Variants in B3GALT1 observed in about 807,000 individuals in gnomAD.
The protein encoded by B3GALT1 is UDP-Gal:betaGlcNAc beta 1,3-galactosyltransferase, polypeptide 1.
A neutral mutation model predicts 23.2 loss-of-function variants in B3GALT1; 10 were observed. The ratio of observed to expected loss-of-function variants is 0.43; its 90% CI spans 0.27 to 0.73. The LOEUF is 0.73. Ranked by LOEUF, B3GALT1 falls within the 30% of genes least tolerant of loss-of-function variation. The pLI, the probability that B3GALT1 is intolerant of heterozygous loss-of-function variation, is 0.21. For synonymous variants in B3GALT1, 156 were observed against 141.5 expected (o/e 1.10, Z -0.73); for missense variants, 299 against 405.4 (o/e 0.74, Z 2.25).
At chr2:167,479,624 G>A (rs1385371337) in intron 1 of B3GALT1, among the ~76,000 whole-genome samples, 4 of 152,060 alleles carry the variant, frequency 2.6e-5, no homozygotes, top group Non-Finnish European at 4.4e-5. Flanking sequence ...AGAAAATTCA[G>A]TCTTGCAATT....
chr2:167,451,856 G>T (rs914667342), intron 1 of B3GALT1, among the ~76,000 whole-genome samples: 1 of 152,192 alleles, frequency 6.6e-6, no homozygotes, highest in South Asian at 2.1e-4. Context: ...GACAGGGCTT[G>T]CCGTGGCTGC....
intron 4 of B3GALT1, among the ~76,000 whole-genome samples, chr2:167,865,435 C>T (rs1357844290): frequency 6.6e-6 from 1 of 151,986 alleles, no homozygotes; most frequent in African/African-American, 2.4e-5. Context: ...CAAATTCTCA[C>T]TCTTCTAAGA....
At chr2:167,314,139 C>G (rs1696674284) in intron 1 of B3GALT1, among the ~76,000 whole-genome samples, 1 of 151,896 alleles carries the variant, frequency 6.6e-6, no homozygotes, top group Non-Finnish European at 1.5e-5. Flanking sequence ...GCTCCCTACT[C>G]ATGTATATAT....
intron 2 of B3GALT1, among the ~76,000 whole-genome samples, chr2:167,554,328 T>C (rs1211742910): frequency 2.6e-5 from 4 of 152,174 alleles, no homozygotes; most frequent in African/African-American, 9.7e-5. Flanking sequence ...AGTTGTTAAA[T>C]TTGTACATCT....
chr2:167,633,935 A>G (rs1298676311), intron 2 of B3GALT1, among the ~76,000 whole-genome samples: 1 of 152,084 alleles, frequency 6.6e-6, no homozygotes, highest in African/African-American at 2.4e-5. Flanking sequence ...AATTGATCAC[A>G]TAATTGGAAG....
intron 1 of B3GALT1, among the ~76,000 whole-genome samples, chr2:167,323,826 C>G (rs924472717): frequency 6.6e-6 from 1 of 150,944 alleles, no homozygotes; most frequent in Non-Finnish European, 1.5e-5. Context: ...GCTTGGTAGA[C>G]ATTCAGAAAT....
intron 1 of B3GALT1, among the ~76,000 whole-genome samples, chr2:167,297,944 A>G (rs1221809905): frequency 6.6e-6 from 1 of 152,158 alleles, no homozygotes; most frequent in Non-Finnish European, 1.5e-5. Flanking sequence ...AGATGGAGAA[A>G]GACTTTCTGA....
chr2:167,419,558 TAA>T (rs1698517801), intron 1 of B3GALT1, among the ~76,000 whole-genome samples: 1 of 152,178 alleles, frequency 6.6e-6, no homozygotes, highest in Non-Finnish European at 1.5e-5. Flanking sequence ...TTAGAAAATA[TAA>T]AAGACAATTA....
intron 3 of B3GALT1, among the ~76,000 whole-genome samples, chr2:167,707,067 A>C (rs542156812): frequency 3.1e-4 from 47 of 152,314 alleles, no homozygotes; most frequent in Admixed American, 2.8e-3. Flanking sequence ...AAAGGGAATG[A>C]GTTCCCAAGC....
rs185430606 is a variant in B3GALT1, at chr2:167,468,330, G to A, written c.-510-21847G>A. ...AGATAAATACATAATACTCTTTCTCGTAACATAAATATAAAAAATCTTACA... is the reference window on the plus strand; with the variant it reads ...AGATAAATACATAATACTCTTTCTCATAACATAAATATAAAAAATCTTACA... On this transcript the variant is annotated intron_variant, in intron 1 of 4. Transcript: ENST00000392690. Among the ~76,000 whole-genome samples, 70 of 152,136 alleles carry A rather than the reference G, an allele frequency of 4.6e-4. 1 individual carries two copies. In the East Asian group the frequency reaches 6.2e-3, roughly 13 times the overall value.
chr2:167,848,888 C>T (rs1187549829), intron 4 of B3GALT1, among the ~76,000 whole-genome samples: 2 of 151,942 alleles, frequency 1.3e-5, no homozygotes, highest in East Asian at 3.8e-4. Flanking sequence ...TGAAAGAATT[C>T]AGCAAAGATT....
chr2:167,757,976 T>G (rs1324944095), intron 3 of B3GALT1, among the ~76,000 whole-genome samples: 1 of 152,202 alleles, frequency 6.6e-6, no homozygotes, highest in Admixed American at 6.5e-5. Context: ...ACTCAAAATA[T>G]ACTAAGAGAT....
intron 2 of B3GALT1, among the ~76,000 whole-genome samples, chr2:167,641,727 G>T (rs981659044): frequency 1.3e-5 from 2 of 152,064 alleles, no homozygotes; most frequent in African/African-American, 4.8e-5. Flanking sequence ...GGTTTTCTCT[G>T]CTGGCTCCTT....
chr2:167,802,190 G>A (rs1258761783), intron 3 of B3GALT1, among the ~76,000 whole-genome samples: 3 of 152,310 alleles, frequency 2.0e-5, no homozygotes, highest in Admixed American at 6.5e-5. Flanking sequence ...TGTGAGCTCA[G>A]ACAGACTTCA....
At chr2:167,561,183 A>G (rs889547361) in intron 2 of B3GALT1, among the ~76,000 whole-genome samples, 2 of 152,358 alleles carry the variant, frequency 1.3e-5, no homozygotes, top group Non-Finnish European at 2.9e-5. Flanking sequence ...TGGAAACTGA[A>G]CAACCTGCTC....
intron 2 of B3GALT1, among the ~76,000 whole-genome samples, chr2:167,563,279 G>A (rs1275899911): frequency 1.8e-5 from 2 of 113,530 alleles, no homozygotes; most frequent in South Asian, 5.6e-4. Context: ...GGGCAGAGGG[G>A]CTCCTCACTT....
intron 2 of B3GALT1, among the ~76,000 whole-genome samples, chr2:167,638,234 C>T (rs888420608): frequency 2.0e-5 from 3 of 152,004 alleles, no homozygotes; most frequent in South Asian, 2.1e-4. Flanking sequence ...TAAAGTTTAA[C>T]TAAAATGTGT....
intron 3 of B3GALT1, among the ~76,000 whole-genome samples, chr2:167,794,262 A>C (rs1034281414): frequency 6.6e-6 from 1 of 152,238 alleles, no homozygotes; most frequent in African/African-American, 2.4e-5. Context: ...GAATAAACTA[A>C]AACCTTACAG....
intron 3 of B3GALT1, among the ~76,000 whole-genome samples, chr2:167,730,831 A>C (rs992139269): frequency 2.6e-5 from 4 of 152,206 alleles, no homozygotes; most frequent in Non-Finnish European, 5.9e-5. Context: ...ACAAGACACA[A>C]AATCAGTGGC....
Sources: gnomAD v4.1 joint callset for allele counts (sites outside exome capture counted in the v4.1 genomes callset) on GRCh38, gnomAD v4.1.1 for gene constraint, MANE v1.5 for transcripts, NCBI Gene and HGNC (gene_info 2026-07-23, HGNC 2026-07-21) for gene names.